Variants in TPTE2 observed in about 807,000 individuals in gnomAD.
TPTE2 encodes phosphatidylinositol 3,4,5-trisphosphate 3-phosphatase TPTE2.
In TPTE2, 53 loss-of-function variants were observed where a neutral mutation model predicts 78.6. The ratio of observed to expected loss-of-function variants is 0.67; its 90% CI spans 0.54 to 0.85. TPTE2 has a LOEUF of 0.85. TPTE2 is among the 40% of genes least tolerant of loss of function. The pLI, the probability that TPTE2 is intolerant of heterozygous loss-of-function variation, is 0.00. For synonymous variants in TPTE2, 175 were observed against 206.2 expected (o/e 0.85, Z 1.30); for missense variants, 461 against 623.0 (o/e 0.74, Z 2.77).
chr13:19,451,363 AG>A, intron 10 of TPTE2, 138 bp from the exon 14 acceptor site: 1 of 1,072,452 alleles, frequency 9.3e-7, no homozygotes, highest in Non-Finnish European at 1.3e-6. Context: ...AGGGAATAAG[AG>A]GGTATGCAAA....
At chr13:19,496,762 G>C (rs1185646752) in intron 1 of TPTE2, among the ~76,000 whole-genome samples, 1 of 152,132 alleles carries the variant, frequency 6.6e-6, no homozygotes, top group African/African-American at 2.4e-5. Flanking sequence ...GGAAATCTGA[G>C]TCCTTTAAGA....
chr13:19,451,091 A>T (rs1878146434), intron 11 of TPTE2, 74 bp downstream of exon 14: 1 of 1,559,300 alleles, frequency 6.4e-7, no homozygotes, highest in Non-Finnish European at 8.7e-7. Context: ...GCAATCTAAA[A>T]AGCAAAATCA....
chr13:19,493,363 A>ATG (rs1881122708), intron 2 of TPTE2, 85 bp downstream of exon 5: 2 of 858,020 alleles, frequency 2.3e-6, no homozygotes, highest in Non-Finnish European at 3.7e-6. Context: ...ATGGATGGAT[A>ATG]TATTTGCTCA....
intron 13 of TPTE2, among the ~76,000 whole-genome samples, chr13:19,441,865 A>T (rs559451263): frequency 6.6e-6 from 1 of 152,224 alleles, no homozygotes; most frequent in Non-Finnish European, 1.5e-5. Flanking sequence ...TAATGAGAGA[A>T]TTTAGGAAGA....
At chr13:19,435,136 G>A (rs1214358373) in intron 15 of TPTE2, among the ~76,000 whole-genome samples, 2 of 152,148 alleles carry the variant, frequency 1.3e-5, no homozygotes, top group African/African-American at 4.8e-5. Flanking sequence ...TCTTAAAAGA[G>A]ACTTAGGAGA....
At chr13:19,509,005 A>G (rs1869254008) in intron 1 of TPTE2, among the ~76,000 whole-genome samples, 1 of 152,204 alleles carries the variant, frequency 6.6e-6, no homozygotes, top group African/African-American at 2.4e-5. Flanking sequence ...TTTTTAAAAA[A>G]ACCCACATTT....
the TPTE2 span, among the ~76,000 whole-genome samples, chr13:19,549,089 C>G: frequency 6.6e-6 from 1 of 150,444 alleles, no homozygotes; most frequent in Non-Finnish European, 1.5e-5. Context: ...CACTGTGCTC[C>G]CCTCCACAAA....
chr13:19,497,497 C>T (rs1467892771), intron 1 of TPTE2, among the ~76,000 whole-genome samples: 1 of 95,122 alleles, frequency 1.1e-5, no homozygotes, highest in East Asian at 3.2e-4. Flanking sequence ...TGACCCCTGA[C>T]CCCTGAGCAG....
intron 1 of TPTE2, among the ~76,000 whole-genome samples, chr13:19,515,136 T>G (rs1327024806): frequency 6.6e-6 from 1 of 152,172 alleles, no homozygotes; most frequent in Admixed American, 6.5e-5. Context: ...ACAAACATTC[T>G]CCTCAAGGTA....
chr13:19,424,241 A>G (rs556347446), intron 19 of TPTE2, among the ~76,000 whole-genome samples: 1 of 152,358 alleles, frequency 6.6e-6, no homozygotes, highest in African/African-American at 2.4e-5. Context: ...AGTATGGTTG[A>G]TACAAAAAAA....
At chr13:19,524,185 C>A (rs905597041) in intron 1 of TPTE2, among the ~76,000 whole-genome samples, 16 of 152,052 alleles carry the variant, frequency 1.1e-4, no homozygotes, top group African/African-American at 3.9e-4. Context: ...ATCCAGGGAC[C>A]AAAATCTGCT....
At chr13:19,429,806 T>C (rs956240751) in intron 17 of TPTE2, among the ~76,000 whole-genome samples, 1 of 152,222 alleles carries the variant, frequency 6.6e-6, no homozygotes, top group African/African-American at 2.4e-5. Context: ...GCTTTCTTAC[T>C]GTTTCAGAAA....
chr13:19,455,069 C>A (rs1226718585), intron 10 of TPTE2, among the ~76,000 whole-genome samples: 1 of 152,158 alleles, frequency 6.6e-6, no homozygotes, highest in Non-Finnish European at 1.5e-5. Flanking sequence ...AGTACTTCCA[C>A]CTCAAATAAA....
intron 1 of TPTE2, among the ~76,000 whole-genome samples, chr13:19,532,191 G>A (rs36116079): frequency 0.77 from 117,190 of 152,062 alleles, 46,771 homozygotes; most frequent in East Asian, 0.96. Flanking sequence ...AAAATTATCA[G>A]CTGACAAACA....
intron 1 of TPTE2, among the ~76,000 whole-genome samples, chr13:19,496,164 C>T (rs1881299485): frequency 6.6e-6 from 1 of 152,206 alleles, no homozygotes; most frequent in Non-Finnish European, 1.5e-5. Flanking sequence ...CCGCACCCGA[C>T]CTTCCAACTA....
chr13:19,547,340 T>C, the TPTE2 span, among the ~76,000 whole-genome samples: 5 of 152,158 alleles, frequency 3.3e-5, no homozygotes, highest in Admixed American at 2.6e-4. Context: ...GAAAACACCA[T>C]TGATATCAGT....
chr13:19,458,612 A>G (rs1566048810), intron 10 of TPTE2: 1 of 475,368 alleles, frequency 2.1e-6, no homozygotes, highest in Non-Finnish European at 4.2e-6. Flanking sequence ...CCACCTGAAG[A>G]GACCATGGAG....
At chr13:19,507,176 T>G (rs908494840), upstream of TPTE2, among the ~76,000 whole-genome samples, 3 of 152,076 alleles carry the variant, frequency 2.0e-5, no homozygotes, top group Non-Finnish European at 4.4e-5. Context: ...GATAGTGATA[T>G]CACTTCATTT....
chr13:19,437,981 A>G (rs1229666200), intron 14 of TPTE2, 111 bp downstream of exon 17: 3 of 1,453,460 alleles, frequency 2.1e-6, no homozygotes, highest in Non-Finnish European at 2.8e-6. Flanking sequence ...TCTAATTACA[A>G]TTTTACTAAG....
Sources: gnomAD v4.1 joint callset for allele counts (sites outside exome capture counted in the v4.1 genomes callset) on GRCh38, gnomAD v4.1.1 for gene constraint, MANE v1.5 for transcripts, NCBI Gene and HGNC (gene_info 2026-07-23, HGNC 2026-07-21) for gene names.